The following ALDH6A1 variants were observed in gnomAD, a reference collection of about 807,000 sequenced individuals.
ALDH6A1 encodes the protein aldehyde dehydrogenase 6 family member A1, also known as methylmalonate-semialdehyde/malonate-semialdehyde dehydrogenase [acylating], mitochondrial.
ALDH6A1 carries 43 observed loss-of-function variants against 62.6 expected under a neutral mutation model. That is an observed-to-expected ratio of 0.69 (90% CI 0.54 to 0.89). ALDH6A1 has a LOEUF of 0.89. ALDH6A1 is among the 40% of genes least tolerant of loss of function. The pLI, the probability that ALDH6A1 is intolerant of heterozygous loss-of-function variation, is 0.00. For missense variants in ALDH6A1, 551 were observed against 661.3 expected, an observed-to-expected ratio of 0.83 and a Z score of 1.83; for synonymous variants, 194 against 234.2, an observed-to-expected ratio of 0.83 and a Z score of 1.57.
intron 2 of ALDH6A1, among the ~76,000 whole-genome samples, chr14:74,073,353 C>T (rs937451996): frequency 6.6e-6 from 1 of 151,962 alleles, no homozygotes; most frequent in African/African-American, 2.4e-5. Flanking sequence ...GATCCACCTG[C>T]GTCAGGCTCT....
chr14:74,061,256 G>T (rs903279053), intron 11 of ALDH6A1, among the ~76,000 whole-genome samples: 1 of 151,950 alleles, frequency 6.6e-6, no homozygotes, highest in Non-Finnish European at 1.5e-5. Flanking sequence ...GGAATTACAA[G>T]TGTGAGCCAC....
Position 74,071,493 on chromosome 14 carries a change from C to A in ALDH6A1, c.432G>T (p.Val144=). ...ATGTCACACTACAGGCATGCTCAAC[C>A]ACCTCTGGAACACAGAAGTCAGGCC... ...AEGDVFRGLQ[V]VEHACSVTSL... Residue 144 remains valine (V), a synonymous_variant, in exon 6 of 12, where the codon GTG becomes GTT. Transcript: ENST00000553458. The A allele has an allele frequency of 1.2e-6, 2 of 1,613,830 alleles. No homozygotes were observed. The highest frequency in any genetic ancestry group is 2.2e-5 in the South Asian group (2 of 91,048).
Position 74,071,212 on chromosome 14 carries a change from A to T in ALDH6A1, c.713T>A (p.Ile238Asn). The T allele has an allele frequency of 6.2e-7, 1 of 1,614,188 alleles. No individual in the cohort carries two copies. ...GCAGTTACCTTCATGCTGTCCATGG[A>T]TGATGTTTAATGTTCCATCAGGGGC... ...SGAPDGTLNIIHGQHEAVNFI... is the reference protein window; with the variant it reads ...SGAPDGTLNINHGQHEAVNFI... Residue 238 changes from isoleucine (I) to asparagine (N), a missense_variant, in exon 6 of 12, where the codon ATC becomes AAC. By Grantham distance (149) the Ile-to-Asn change is moderately radical (BLOSUM62 -3). Transcript: ENST00000553458.
rs2060477322 is a variant in ALDH6A1, at chr14:74,066,997, C to T, written c.1043-111G>A. On this transcript the variant is annotated intron_variant, in intron 8 of 11. Coordinates refer to ENST00000553458, the MANE Select transcript of ALDH6A1 (RefSeq NM_005589.4). ...TTAGGAGGCCAAGGCAGGAGGACTG[C>T]TTGAGCCCAGGAGTTCCAGACCAGC... 3 of 1,056,910 alleles carry T rather than the reference C, an allele frequency of 2.8e-6. No homozygotes were observed. In the Admixed American group the frequency reaches 5.8e-5, roughly 21 times the overall value. The allele number at this position is 1,056,910 out of a possible 1,614,324, so 65.5% of individuals were successfully genotyped here. A position where few individuals can be genotyped will look rare whatever the true frequency, so the allele number is the denominator to read the frequency against.
At position 74,074,996 on chromosome 14, in the gene ALDH6A1, T is replaced by C; in HGVS notation, c.70A>G (p.Ser24Gly). The C allele has an allele frequency of 6.2e-7, 1 of 1,614,086 alleles. No homozygotes were observed. The highest frequency in any genetic ancestry group is 8.5e-7 in the Non-Finnish European group (1 of 1,179,968). ...GAAGATGCTGAATACCAGGTGGGAC[T>C]GGATTTCACCTTGGAAGAAACCTGT... The part of the protein sequence containing the change: ...ILQVSSKVKS[S>G]PTWYSASSFS... The change falls in exon 2 of 12, where the codon AGT (serine) becomes GGT (glycine). Residue 24 changes from serine (S) to glycine (G), a missense_variant. Coordinates refer to ENST00000553458, the MANE Select transcript of ALDH6A1 (RefSeq NM_005589.4).
At chr14:74,063,260 C>T (rs1181207084) in intron 11 of ALDH6A1, among the ~76,000 whole-genome samples, 1 of 151,388 alleles carries the variant, frequency 6.6e-6, no homozygotes, top group African/African-American at 2.4e-5. Flanking sequence ...AATCTCGGCT[C>T]ACTGCAACTT....
At chr14:74,080,501 G>A (rs2060659539) in intron 1 of ALDH6A1, among the ~76,000 whole-genome samples, 1 of 151,228 alleles carries the variant, frequency 6.6e-6, no homozygotes, top group South Asian at 2.1e-4. Flanking sequence ...CCAAGTACCT[G>A]GGACCACAGG....
At chr14:74,064,950 TA>T (rs1293102368) in intron 10 of ALDH6A1, 30 bp from the exon 11 acceptor site, 1 of 1,593,618 alleles carries the variant, frequency 6.3e-7, no homozygotes, top group East Asian at 2.2e-5. Flanking sequence ...TGTCATATCC[TA>T]AGGACAAAGG....
rs2060270583 is a variant in ALDH6A1, at chr14:74,058,546, G to A, written c.*2096C>T. The A allele has an allele frequency of 6.7e-6, 1 of 150,262 alleles. No individual in the cohort carries two copies. Among genetic ancestry groups the A allele is most frequent in the Non-Finnish European group, 1.5e-5 (1 of 67,808 alleles). The allele number at this position is 150,262 out of a possible 1,614,324, so 9.3% of individuals were successfully genotyped here. On this transcript the variant is annotated 3_prime_UTR_variant, in exon 12 of 12. Transcript: ENST00000553458. ...AAGGTTTTGACATTTTATCCAGCCA[G>A]GTGGTAGTAATAAGCCTCAAATCCA... is the stretch of plus-strand genomic sequence containing the variant.
intron 1 of ALDH6A1, among the ~76,000 whole-genome samples, chr14:74,077,248 T>C (rs2139809143): frequency 6.6e-6 from 1 of 152,326 alleles, no homozygotes; most frequent in Admixed American, 6.5e-5. Context: ...CATTCCTGTC[T>C]GCTTCCTACC....
chr14:74,069,095 CTTTTTCTTTTT>C, intron 6 of ALDH6A1, 114 bp from the exon 7 acceptor site: 1 of 633,208 alleles, frequency 1.6e-6, no homozygotes, highest in Non-Finnish European at 2.4e-6. Context: ...TTTTCTTTTA[CTTTTTCTTTTT>C]TTTTTTTTTT....
chr14:74,066,464 T>C (rs1218368984), intron 9 of ALDH6A1, among the ~76,000 whole-genome samples: 1 of 152,178 alleles, frequency 6.6e-6, no homozygotes, highest in Non-Finnish European at 1.5e-5. Flanking sequence ...ACTATATCCC[T>C]GCAAAGCTGG....
chr14:74,075,122 G>T, intron 1 of ALDH6A1, 105 bp from the exon 2 acceptor site: 1 of 1,009,652 alleles, frequency 9.9e-7, no homozygotes, highest in Non-Finnish European at 1.5e-6. Context: ...TAGGGGGTAT[G>T]TTTCTCTCAA....
rs1268635391 is a variant in ALDH6A1 at position 74,064,920 on chromosome 14, C to A, written c.1405G>T (p.Val469Leu). ...KYAHLVDVGQ[V>L]GVNVPIPVPL... ...ACTGGAATGGGGACATTCACTCCCA[C>A]CTAAAACAGAACAAATCCGTGTCAT... The change falls in exon 11 of 12, where the codon GTG becomes TTG. Residue 469 changes from valine (V) to leucine (L), a missense_variant and splice_region_variant. Transcript: ENST00000553458. 6.8e-6 allele frequency: 11 copies of A among 1,613,114 alleles called. No individual in the cohort carries two copies. Among genetic ancestry groups the A allele is most frequent in the Non-Finnish European group, 8.5e-6 (10 of 1,179,262 alleles).
chr14:74,071,107 G>T lies in ALDH6A1; in HGVS notation c.730+88C>A, dbSNP rs919072136. The T allele has an allele frequency of 2.0e-5, 25 of 1,256,104 alleles. No homozygotes were observed. In the Admixed American group the frequency reaches 2.5e-4, roughly 13 times the overall value. The allele number at this position is 1,256,104 out of a possible 1,614,324, so 77.8% of individuals were successfully genotyped here. On this transcript the variant is annotated intron_variant, in intron 6 of 11. Transcript: ENST00000553458. ...TAAATCCTTTCCTCCTTACAAGTAG[G>T]TTCCTTATCCTAAAACATCCAACCA...
chr14:74,076,568 C>T (rs2060615150), intron 1 of ALDH6A1, among the ~76,000 whole-genome samples: 1 of 151,604 alleles, frequency 6.6e-6, no homozygotes, highest in Non-Finnish European at 1.5e-5. Flanking sequence ...CAGAATTTTG[C>T]TCTCATTGAC....
intron 2 of ALDH6A1, among the ~76,000 whole-genome samples, chr14:74,073,082 G>A (rs888172570): frequency 5.9e-5 from 9 of 152,120 alleles, no homozygotes; most frequent in Non-Finnish European, 8.8e-5. Flanking sequence ...TTACAGGCGT[G>A]AGCCTCTGCA....
chr14:74,060,599 G>T lies in ALDH6A1; in HGVS notation c.*43C>A, dbSNP rs545399557. 1 of 1,342,130 alleles carries T rather than the reference G, an allele frequency of 7.5e-7. No individual in the cohort carries two copies. Among genetic ancestry groups the T allele is most frequent in the Non-Finnish European group, 1.1e-6 (1 of 932,066 alleles). The allele number at this position is 1,342,130 out of a possible 1,614,324, so 83.1% of individuals were successfully genotyped here. On this transcript the variant is annotated 3_prime_UTR_variant, in exon 12 of 12. Transcript: ENST00000553458. Reference sequence around the variant, plus strand: ...ACAAATGAAGCTGGTCAAAAATAAAGGGAGATTACTCAGGATGGAGTCAGT... The same window carrying T: ...ACAAATGAAGCTGGTCAAAAATAAATGGAGATTACTCAGGATGGAGTCAGT...
Position 74,066,715 on chromosome 14 carries a change from G to A in ALDH6A1, c.1214C>T (p.Ser405Leu), listed in dbSNP as rs2060472422. 3.7e-6 allele frequency: 6 copies of A among 1,613,972 alleles called. No homozygotes were observed. In the East Asian group the frequency reaches 8.9e-5, roughly 24 times the overall value. Residue 405 changes from serine (S) to leucine (L), a missense_variant, in exon 9 of 12, where the codon TCG becomes TTG. Physicochemically the swap from Ser to Leu is moderately radical, Grantham distance 145 (BLOSUM62 -2). Coordinates refer to ENST00000553458, the MANE Select transcript of ALDH6A1 (RefSeq NM_005589.4). ...NGNFVGPTII[S>L]NVKPNMTCYK... ...GTGAAAGTTGTTCACCTTGACATTC[G>A]AGATGATGGTTGGTCCAACAAAGTT...
Sources: allele counts gnomAD v4.1 joint callset (sites outside exome capture counted in the v4.1 genomes callset), GRCh38; gene constraint gnomAD v4.1.1; transcripts MANE v1.5; gene names NCBI Gene and HGNC (gene_info 2026-07-23, HGNC 2026-07-21).